The following CACNA2D2 variants were observed in gnomAD, a reference collection of about 807,000 sequenced individuals.
CACNA2D2 encodes voltage-dependent calcium channel subunit alpha-2/delta-2.
In CACNA2D2, 48 loss-of-function variants were observed where a neutral mutation model predicts 166.4. The ratio of observed to expected loss-of-function variants is 0.29; its 90% CI spans 0.23 to 0.37. The LOEUF (loss-of-function observed/expected upper bound fraction) is 0.37. Ranked by LOEUF, CACNA2D2 falls within the 10% of genes least tolerant of loss-of-function variation. The pLI is 1.00. For missense variants in CACNA2D2, 1,122 were observed against 1,433.0 expected, an observed-to-expected ratio of 0.78 and a Z score of 3.50; for synonymous variants, 561 against 573.7, an observed-to-expected ratio of 0.98 and a Z score of 0.32.
At chr3:50,416,591 TG>T (rs1171276981) in intron 3 of CACNA2D2, among the ~76,000 whole-genome samples, 2 of 152,194 alleles carry the variant, frequency 1.3e-5, no homozygotes, top group Non-Finnish European at 2.9e-5. Flanking sequence ...TGCTCTGTCC[TG>T]GGCCCCAGGG....
At chr3:50,413,885 G>A (rs1216505368) in intron 3 of CACNA2D2, among the ~76,000 whole-genome samples, 2 of 146,812 alleles carry the variant, frequency 1.4e-5, no homozygotes, top group Non-Finnish European at 3.0e-5. Context: ...GCTGCATGAA[G>A]CAGAAGCCAG....
At chr3:50,390,251 G>C (rs888892679) in intron 4 of CACNA2D2, among the ~76,000 whole-genome samples, 4 of 152,182 alleles carry the variant, frequency 2.6e-5, no homozygotes, top group Non-Finnish European at 5.9e-5. Flanking sequence ...CAGCCTACTG[G>C]CTTGTCCCAG....
In CACNA2D2 at chr3:50,394,160, A is replaced by G. The variant is rs780472401; in HGVS notation, c.414T>C (p.Ala138=). Residue 138 remains alanine (A), a synonymous_variant, in exon 4 of 38, where the codon GCT becomes GCC. Coordinates refer to ENST00000424201, the MANE Select transcript of CACNA2D2 (RefSeq NM_006030.4). ...DRKVQALKRL[A]DAAENFQKAH... is the part of the protein sequence containing the mutation. The stretch of plus-strand genomic sequence containing the variant: ...CTTTCTGGAAGTTCTCTGCAGCATC[A>G]GCCAGTCTCTGAGGGACAGAGCACA... The G allele has an allele frequency of 8.1e-6, 13 of 1,613,956 alleles. No homozygotes were observed. The highest frequency in any genetic ancestry group is 9.3e-6 in the Non-Finnish European group (11 of 1,179,966).
upstream of CACNA2D2, chr3:50,504,222 C>T (rs1192318906): frequency 6.6e-6 from 1 of 152,340 alleles, no homozygotes; most frequent in Non-Finnish European, 1.5e-5. Context: ...CAGGATGCAG[C>T]CCTCTGCAGC....
Position 50,366,538 on chromosome 3 carries a change from G to A in CACNA2D2, c.2637+40C>T. 1 of 1,607,460 alleles carries A rather than the reference G, an allele frequency of 6.2e-7. No individual in the cohort carries two copies. The highest frequency in any genetic ancestry group is 8.5e-7 in the Non-Finnish European group (1 of 1,173,950). On this transcript the variant is annotated intron_variant, in intron 30 of 37. Transcript: ENST00000424201. This position sits in a 1 kb window ranked among gnomAD's most constrained non-coding sequence, Gnocchi z 5.9. ...GCTGGGACTAGGAAGTCTGGAAGTG[G>A]GGTAAGCTAGGGTCCAGGGTAGGTT...
At chr3:50,409,870 AC>A (rs1286465893) in intron 3 of CACNA2D2, among the ~76,000 whole-genome samples, 1 of 152,114 alleles carries the variant, frequency 6.6e-6, no homozygotes, top group African/African-American at 2.4e-5. Context: ...GCACGAGGAG[AC>A]CTGAGAGGGT....
At position 50,407,322 on chromosome 3, in the gene CACNA2D2, T is replaced by C. The variant is rs143575624; in HGVS notation, c.406-13154A>G. Among the ~76,000 whole-genome samples the C allele has an allele frequency of 2.5e-4, 38 of 151,982 alleles. 3 individuals are homozygous for C. The East Asian group carries it at 7.2e-3, about 29-fold the overall frequency. ...CTGTTTAAGGCCTGTTTGTGGCTTT[T>C]GCATCACATGCTCAGATGGAACCAT... On this transcript the variant is annotated intron_variant, in intron 3 of 37. Transcript: ENST00000424201.
intron 1 of CACNA2D2, among the ~76,000 whole-genome samples, chr3:50,500,765 CA>C (rs1245066247): frequency 9.0e-5 from 11 of 122,482 alleles, no homozygotes; most frequent in East Asian, 2.9e-4. Context: ...ACCCCCCGCC[CA>C]AAAAAAAACC....
chr3:50,422,072 C>T (rs990979859), intron 3 of CACNA2D2, among the ~76,000 whole-genome samples: 2 of 152,154 alleles, frequency 1.3e-5, no homozygotes, highest in African/African-American at 2.4e-5. Flanking sequence ...TTCTACCCTC[C>T]ATCCTCTTTA....
intron 4 of CACNA2D2, among the ~76,000 whole-genome samples, chr3:50,389,792 T>G (rs1251479247): frequency 6.6e-6 from 1 of 152,248 alleles, no homozygotes; most frequent in Non-Finnish European, 1.5e-5. Context: ...CTCAGGATTC[T>G]GTATGGTCTC....
chr3:50,365,362 C>G lies in CACNA2D2; in HGVS notation c.3092G>C (p.Cys1031Ser). ...SYNAIIDCGN[C>S]SRLFHAQRLT... ...CCCGCCCCACTGCCAGCACCTGGAG[C>G]AGTTTCCGCAGTCGATGATGGCGTT... is the stretch of plus-strand genomic sequence containing the variant. The change falls in exon 35 of 38, where the codon TGC (cysteine) becomes TCC (serine). Residue 1031 changes from cysteine to serine, a missense_variant. By Grantham distance (112) the Cys-to-Ser change is moderately radical (BLOSUM62 -1). Transcript: ENST00000424201. The surrounding 1 kb of genome is among the most constrained non-coding windows in gnomAD (Gnocchi z 4.5). 1 of 1,613,266 alleles carries G rather than the reference C, an allele frequency of 6.2e-7. No individual in the cohort carries two copies. The highest frequency in any genetic ancestry group is 8.5e-7 in the Non-Finnish European group (1 of 1,179,690).
intron 3 of CACNA2D2, among the ~76,000 whole-genome samples, chr3:50,403,119 T>C (rs968518288): frequency 2.0e-5 from 3 of 152,210 alleles, no homozygotes; most frequent in Admixed American, 6.5e-5. Context: ...TGGGGAGCAC[T>C]GCCCTCACCT....
At chr3:50,475,782 T>G (rs1710283915) in intron 2 of CACNA2D2, among the ~76,000 whole-genome samples, 1 of 152,154 alleles carries the variant, frequency 6.6e-6, no homozygotes, top group Non-Finnish European at 1.5e-5. Flanking sequence ...CACCCCTGCG[T>G]CCACTGACCC....
intron 2 of CACNA2D2, among the ~76,000 whole-genome samples, chr3:50,467,499 T>TG (rs1227968259): frequency 6.6e-6 from 1 of 152,174 alleles, no homozygotes; most frequent in Non-Finnish European, 1.5e-5. Context: ...AGTTACTAGC[T>TG]GGGCACCTCC....
chr3:50,426,559 C>T (rs116685498), intron 3 of CACNA2D2, among the ~76,000 whole-genome samples: 7 of 152,264 alleles, frequency 4.6e-5, no homozygotes, highest in South Asian at 2.1e-4. Flanking sequence ...AGGGAGAATT[C>T]GGTGGCTGGG....
rs1025660516 is a variant in CACNA2D2 at position 50,458,884 on chromosome 3, T to C, written c.288+17234A>G. ...CCGGGAGAACCTTCTCTGGGGAACCTGCTCAGTCAGGCCTGTGCCATCCCT... is the reference window on the plus strand; with the variant it reads ...CCGGGAGAACCTTCTCTGGGGAACCCGCTCAGTCAGGCCTGTGCCATCCCT... On this transcript the variant is annotated intron_variant, in intron 2 of 37. Coordinates refer to ENST00000424201, the MANE Select transcript of CACNA2D2 (RefSeq NM_006030.4). Among the ~76,000 whole-genome samples the C allele has an allele frequency of 3.3e-5, 5 of 152,326 alleles. No homozygotes were observed. The East Asian group carries it at 7.7e-4, about 24-fold the overall frequency.
chr3:50,365,571 G>C lies in CACNA2D2; in HGVS notation c.2971+62C>G, dbSNP rs1309034639. 4 of 1,580,676 alleles carry C rather than the reference G, an allele frequency of 2.5e-6. No individual in the cohort carries two copies. The East Asian group carries it at 6.9e-5, about 27-fold the overall frequency. On this transcript the variant is annotated intron_variant, in intron 34 of 37. Coordinates refer to ENST00000424201, the MANE Select transcript of CACNA2D2 (RefSeq NM_006030.4). This position sits in a 1 kb window ranked among gnomAD's most constrained non-coding sequence, Gnocchi z 4.5. ...AGTCGTAGACCCCACCCTCCCCATG[G>C]AGTCGTCTTAGCTCAGATTGGGGAC...
Position 50,399,144 on chromosome 3 carries a change from G to A in CACNA2D2, c.406-4976C>T, listed in dbSNP as rs975594307. Among the ~76,000 whole-genome samples the A allele has an allele frequency of 5.3e-5, 8 of 152,286 alleles. No homozygotes were observed. In the South Asian group the frequency reaches 1.0e-3, roughly 20 times the overall value. ...GCTCTTGGGTGCCCCCACCTTCTTA[G>A]ATGGCCTGCTCCTCCCCACCCCCAG... On this transcript the variant is annotated intron_variant, in intron 3 of 37. Transcript: ENST00000424201.
intron 3 of CACNA2D2, chr3:50,420,034 G>T (rs935247608): frequency 2.6e-5 from 4 of 152,428 alleles, no homozygotes; most frequent in Admixed American, 2.6e-4. Flanking sequence ...GACGCGGAAG[G>T]CCTGGCCTCT....
Sources: gnomAD v4.1 joint callset for allele counts (sites outside exome capture counted in the v4.1 genomes callset) on GRCh38, gnomAD v4.1.1 for gene constraint, Gnocchi (gnomAD v3.1) non-coding constraint, MANE v1.5 for transcripts, NCBI Gene and HGNC (gene_info 2026-07-23, HGNC 2026-07-21) for gene names.